Variants in FBXL17 observed in about 807,000 individuals in gnomAD.
The protein encoded by FBXL17 is F-box/LRR-repeat protein 17.
A neutral mutation model predicts 66.2 loss-of-function variants in FBXL17; 22 were observed. The ratio of observed to expected loss-of-function variants is 0.33; its 90% CI spans 0.24 to 0.47. The LOEUF (loss-of-function observed/expected upper bound fraction) is 0.47, where lower values mean the gene tolerates loss of function less well. Ranked by LOEUF, FBXL17 falls within the 20% of genes least tolerant of loss-of-function variation. The pLI, the probability that FBXL17 is intolerant of heterozygous loss-of-function variation, is 1.00. For synonymous variants in FBXL17, 474 were observed against 400.5 expected, an observed-to-expected ratio of 1.18 and a Z score of -2.19; for missense variants, 878 against 948.2, an observed-to-expected ratio of 0.93 and a Z score of 0.97.
intron 7 of FBXL17, among the ~76,000 whole-genome samples, chr5:107,937,720 G>A (rs992972945): frequency 6.6e-6 from 1 of 152,096 alleles, no homozygotes; most frequent in African/African-American, 2.4e-5. Context: ...GTGAATACAT[G>A]TTGAATTGAA....
chr5:108,219,928 C>CTTTTTTTTTTTTTTTTT, intron 5 of FBXL17, among the ~76,000 whole-genome samples: 34 of 37,460 alleles, frequency 9.1e-4, no homozygotes, highest in Admixed American at 1.8e-3. Flanking sequence ...TTACTATTTC[C>CTTTTTTTTTTTTTTTTT]TTTTTTTTTT....
chr5:107,907,027 CAATT>C (rs1459493046), intron 7 of FBXL17, among the ~76,000 whole-genome samples: 1 of 152,142 alleles, frequency 6.6e-6, no homozygotes, highest in Non-Finnish European at 1.5e-5. Context: ...TTTCAAATCA[CAATT>C]AATATCTTCG....
intron 6 of FBXL17, among the ~76,000 whole-genome samples, chr5:108,171,063 C>T (rs902420333): frequency 6.6e-6 from 1 of 152,050 alleles, no homozygotes; most frequent in Non-Finnish European, 1.5e-5. Context: ...AATTTGTTTT[C>T]ACATTCTCCC....
chr5:108,110,010 A>C (rs2149951782), intron 6 of FBXL17, among the ~76,000 whole-genome samples: 1 of 152,296 alleles, frequency 6.6e-6, no homozygotes, highest in East Asian at 1.9e-4. Flanking sequence ...ACTGAGTCAC[A>C]TACCTTCATT....
chr5:108,271,159 C>A (rs1188813817), intron 4 of FBXL17, among the ~76,000 whole-genome samples: 1 of 151,588 alleles, frequency 6.6e-6, no homozygotes, highest in Non-Finnish European at 1.5e-5. Flanking sequence ...CTAATCAAAT[C>A]ACAGTAGAAA....
At chr5:108,151,964 G>C (rs1381364836) in intron 6 of FBXL17, among the ~76,000 whole-genome samples, 3 of 152,180 alleles carry the variant, frequency 2.0e-5, no homozygotes, top group Non-Finnish European at 4.4e-5. Context: ...CAGCAAGTAA[G>C]AAATTGTGGT....
chr5:108,377,615 C>T (rs1439703437), intron 1 of FBXL17, among the ~76,000 whole-genome samples: 1 of 152,194 alleles, frequency 6.6e-6, no homozygotes, highest in Admixed American at 6.5e-5. Flanking sequence ...AAATGTTTCT[C>T]AATGATTTTC....
chr5:108,105,199 G>T (rs1749750177), intron 6 of FBXL17, among the ~76,000 whole-genome samples: 2 of 152,176 alleles, frequency 1.3e-5, no homozygotes, highest in African/African-American at 2.4e-5. Flanking sequence ...AAATAAAAAG[G>T]ATTCTAATGA....
chr5:108,154,690 T>TATGTGTATAC (rs1374546624), intron 6 of FBXL17, among the ~76,000 whole-genome samples: 4 of 142,368 alleles, frequency 2.8e-5, no homozygotes, highest in African/African-American at 1.0e-4. Context: ...TATACACATA[T>TATGTGTATAC]ATATGTATAT....
At chr5:108,061,792 T>C (rs1008512119) in intron 6 of FBXL17, among the ~76,000 whole-genome samples, 11 of 152,090 alleles carry the variant, frequency 7.2e-5, no homozygotes, top group Admixed American at 7.2e-4. Context: ...CAGGTATATA[T>C]ATTTAATTAA....
intron 6 of FBXL17, among the ~76,000 whole-genome samples, chr5:108,028,919 T>A (rs145354428): frequency 1.5e-3 from 226 of 152,136 alleles, no homozygotes; most frequent in South Asian, 2.9e-3. Context: ...GAAAAAAAAG[T>A]TTAGTTATTT....
chr5:108,180,338 C>T (rs1201093104), intron 6 of FBXL17, among the ~76,000 whole-genome samples: 1 of 151,846 alleles, frequency 6.6e-6, no homozygotes, highest in Non-Finnish European at 1.5e-5. Context: ...TGGTGAAACC[C>T]CGTCTCTACT....
intron 6 of FBXL17, among the ~76,000 whole-genome samples, chr5:108,062,977 C>T (rs567998903): frequency 6.6e-5 from 10 of 151,848 alleles, no homozygotes; most frequent in South Asian, 2.1e-4. Flanking sequence ...TTGCTGGTCA[C>T]TTCTTATATA....
intron 7 of FBXL17, among the ~76,000 whole-genome samples, chr5:107,950,636 T>C (rs893525201): frequency 3.3e-5 from 5 of 152,104 alleles, no homozygotes; most frequent in Non-Finnish European, 7.4e-5. Flanking sequence ...AATTTTGCAG[T>C]GATAGTAAAA....
intron 6 of FBXL17, among the ~76,000 whole-genome samples, chr5:108,085,658 G>A (rs1476741592): frequency 6.6e-6 from 1 of 152,212 alleles, no homozygotes; most frequent in Non-Finnish European, 1.5e-5. Context: ...ACTGGGGCTA[G>A]GTGTGGTGGC....
At chr5:108,186,978 T>C (rs1192594322) in intron 5 of FBXL17, among the ~76,000 whole-genome samples, 1 of 152,066 alleles carries the variant, frequency 6.6e-6, no homozygotes, top group Admixed American at 6.6e-5. Context: ...TTTTTAAAGA[T>C]GAAATATGAC....
intron 4 of FBXL17, chr5:108,298,030 C>A: frequency 2.0e-6 from 2 of 984,756 alleles, no homozygotes; most frequent in Non-Finnish European, 2.4e-6. Flanking sequence ...AATGCAATTA[C>A]TTCTGAACAG....
At chr5:107,902,624 TCTC>T (rs969041201) in intron 7 of FBXL17, among the ~76,000 whole-genome samples, 1 of 152,160 alleles carries the variant, frequency 6.6e-6, no homozygotes, top group African/African-American at 2.4e-5. Context: ...CAGAGGCTGT[TCTC>T]CTCCTTCTGT....
At chr5:108,038,206 AT>A (rs1174881567) in intron 6 of FBXL17, among the ~76,000 whole-genome samples, 1 of 152,156 alleles carries the variant, frequency 6.6e-6, no homozygotes, top group Non-Finnish European at 1.5e-5. Flanking sequence ...TGAAAAGGGC[AT>A]TTTTTGAGAC....
Sources: allele counts gnomAD v4.1 joint callset (sites outside exome capture counted in the v4.1 genomes callset), GRCh38; gene constraint gnomAD v4.1.1; transcripts MANE v1.5; gene names NCBI Gene and HGNC (gene_info 2026-07-23, HGNC 2026-07-21).